The following GALNT10 variants were observed in gnomAD, a reference collection of about 807,000 sequenced individuals.
The protein encoded by GALNT10 is polypeptide N-acetylgalactosaminyltransferase 10.
A neutral mutation model predicts 75.0 loss-of-function variants in GALNT10; 41 were observed. That is an observed-to-expected ratio of 0.55 (90% confidence interval 0.43 to 0.71). GALNT10 has a LOEUF of 0.71. GALNT10 is among the 30% of genes least tolerant of loss of function. The probability of loss-of-function intolerance (pLI) is 0.00; values close to 1 mark genes in which losing one functional copy is unlikely to be tolerated. For missense variants in GALNT10, 727 were observed against 818.5 expected, an observed-to-expected ratio of 0.89 and a Z score of 1.36; for synonymous variants, 302 against 313.0, an observed-to-expected ratio of 0.96 and a Z score of 0.37.
chr5:154,264,947 T>G (rs192390717), intron 1 of GALNT10, among the ~76,000 whole-genome samples: 1 of 152,288 alleles, frequency 6.6e-6, no homozygotes, highest in Admixed American at 6.5e-5. Flanking sequence ...GGCCAGAAAT[T>G]ATAGCCAATG....
chr5:154,300,903 C>T (rs1433830019), intron 3 of GALNT10, among the ~76,000 whole-genome samples: 1 of 152,186 alleles, frequency 6.6e-6, no homozygotes, highest in Non-Finnish European at 1.5e-5. Context: ...AAAGGAACAA[C>T]TAGGGCTAGC....
At chr5:154,287,822 T>C (rs966196398) in intron 1 of GALNT10, among the ~76,000 whole-genome samples, 2 of 152,128 alleles carry the variant, frequency 1.3e-5, no homozygotes, top group African/African-American at 2.4e-5. Flanking sequence ...GTTTAAACTT[T>C]ATATGCTTTG....
At chr5:154,208,132 T>C (rs1354455838) in intron 1 of GALNT10, among the ~76,000 whole-genome samples, 1 of 152,222 alleles carries the variant, frequency 6.6e-6, no homozygotes, top group Non-Finnish European at 1.5e-5. Flanking sequence ...CAATATGTCA[T>C]TTATCCAGCA....
intron 7 of GALNT10, 22 bp from the exon 8 acceptor site, chr5:154,404,078 CCTCT>C: frequency 6.4e-7 from 1 of 1,561,086 alleles, no homozygotes; most frequent in Non-Finnish European, 8.8e-7. Flanking sequence ...GAAACGTCAT[CCTCT>C]CTCTTCCTTC....
intron 3 of GALNT10, among the ~76,000 whole-genome samples, chr5:154,322,309 C>T (rs78886645): frequency 0.016 from 2,509 of 152,268 alleles, 166 homozygotes; most frequent in East Asian, 0.16. Context: ...TTCCTGGGCT[C>T]ACGACCCTTT....
chr5:154,376,129 C>T lies in GALNT10; in HGVS notation c.569-148C>T, dbSNP rs1755648693. 1 of 660,290 alleles carries T rather than the reference C, an allele frequency of 1.5e-6. No individual in the cohort carries two copies. The allele number at this position is 660,290 out of a possible 1,614,324, so 40.9% of individuals were successfully genotyped here. On this transcript the variant is annotated intron_variant, in intron 4 of 11. Coordinates refer to ENST00000297107, the MANE Select transcript of GALNT10 (RefSeq NM_198321.4). This position sits in a 1 kb window ranked among gnomAD's most constrained non-coding sequence, Gnocchi z 4.1. ...GTACACAGGTGATGAGAACACTGCC[C>T]TTCTTCTCCCTGTCTGAAAGGTCTA...
chr5:154,249,866 G>C (rs2113016810), intron 1 of GALNT10, among the ~76,000 whole-genome samples: 1 of 152,308 alleles, frequency 6.6e-6, no homozygotes, highest in South Asian at 2.1e-4. Flanking sequence ...GATCACCCAT[G>C]TTGGCCTCCT....
intron 1 of GALNT10, among the ~76,000 whole-genome samples, chr5:154,249,389 C>A (rs1436969385): frequency 6.6e-6 from 1 of 152,144 alleles, no homozygotes; most frequent in Non-Finnish European, 1.5e-5. Flanking sequence ...CAGGCAAATG[C>A]ACACACCAAT....
In GALNT10 at chr5:154,225,373, G is replaced by A. The variant is rs567885939; in HGVS notation, c.159+34348G>A. Among the ~76,000 whole-genome samples the A allele has an allele frequency of 3.2e-4, 48 of 150,178 alleles. 1 individual carries two copies. In the South Asian group the frequency reaches 9.5e-3, roughly 30 times the overall value. ...TCCCAAAGTGCTGGGGATTACAGGCGTGAGCCACTGCGCCCGGCCTTTTTT... is the reference window on the plus strand; with the variant it reads ...TCCCAAAGTGCTGGGGATTACAGGCATGAGCCACTGCGCCCGGCCTTTTTT... On this transcript the variant is annotated intron_variant, in intron 1 of 11. Transcript: ENST00000297107.
chr5:154,373,881 G>C (rs768415197), intron 4 of GALNT10, among the ~76,000 whole-genome samples: 2 of 152,166 alleles, frequency 1.3e-5, no homozygotes, highest in African/African-American at 4.8e-5. Context: ...GTGATTTAGC[G>C]ATGGGGCTTT....
intron 1 of GALNT10, among the ~76,000 whole-genome samples, chr5:154,291,439 A>G (rs764272716): frequency 6.6e-6 from 1 of 152,222 alleles, no homozygotes; most frequent in Non-Finnish European, 1.5e-5. Flanking sequence ...TGCCAGAATC[A>G]GCATTAACAA....
intron 3 of GALNT10, among the ~76,000 whole-genome samples, chr5:154,305,456 T>C (rs1754420448): frequency 6.6e-6 from 1 of 152,146 alleles, no homozygotes. Flanking sequence ...AAATACATGC[T>C]CCCTGCAAGA....
intron 5 of GALNT10, among the ~76,000 whole-genome samples, chr5:154,379,306 T>A (rs1755700551): frequency 6.6e-6 from 1 of 152,206 alleles, no homozygotes; most frequent in Admixed American, 6.5e-5. Context: ...TGTTTTTTGG[T>A]TCATTACAAA....
chr5:154,290,415 A>ATAATTT (rs956617687), intron 1 of GALNT10, among the ~76,000 whole-genome samples: 2 of 151,982 alleles, frequency 1.3e-5, no homozygotes, highest in African/African-American at 4.8e-5. Context: ...GACCAACTCT[A>ATAATTT]TAATTTTAAG....
At chr5:154,310,001 C>T (rs955934368) in intron 3 of GALNT10, among the ~76,000 whole-genome samples, 1 of 152,132 alleles carries the variant, frequency 6.6e-6, no homozygotes, top group Admixed American at 6.5e-5. Context: ...TAGTCTGTGG[C>T]GTGCAGTGTA....
At chr5:154,367,856 T>C (rs1755500462) in intron 4 of GALNT10, among the ~76,000 whole-genome samples, 1 of 131,186 alleles carries the variant, frequency 7.6e-6, no homozygotes, top group Non-Finnish European at 1.6e-5. Flanking sequence ...AGACTCCGTC[T>C]CAAAAAAAAA....
intron 1 of GALNT10, among the ~76,000 whole-genome samples, chr5:154,225,845 A>G (rs1753055611): frequency 2.8e-5 from 2 of 71,326 alleles, no homozygotes; most frequent in Non-Finnish European, 7.9e-5. Flanking sequence ...CATCTGCTAA[A>G]AGAGTTTCGT....
chr5:154,227,777 A>C (rs1385984531), intron 1 of GALNT10, among the ~76,000 whole-genome samples: 3 of 151,072 alleles, frequency 2.0e-5, no homozygotes, highest in Admixed American at 1.3e-4. Flanking sequence ...TTTCTCCTAG[A>C]TGTTTTATGA....
chr5:154,390,392 T>G (rs1297890591), intron 7 of GALNT10, among the ~76,000 whole-genome samples: 1 of 152,198 alleles, frequency 6.6e-6, no homozygotes, highest in Non-Finnish European at 1.5e-5. Flanking sequence ...TATAACCAGA[T>G]GTACTCTAAC....
Sources: gnomAD v4.1 joint callset for allele counts (sites outside exome capture counted in the v4.1 genomes callset) on GRCh38, gnomAD v4.1.1 for gene constraint, Gnocchi (gnomAD v3.1) non-coding constraint, MANE v1.5 for transcripts, NCBI Gene and HGNC (gene_info 2026-07-23, HGNC 2026-07-21) for gene names.